NSRP1: variants seen among roughly 807,000 people sequenced by gnomAD.
The protein encoded by NSRP1 is coiled-coil domain containing 55.
In NSRP1, 24 loss-of-function variants were observed where a neutral mutation model predicts 54.7. The ratio of observed to expected loss-of-function variants is 0.44; its 90% CI spans 0.32 to 0.62. NSRP1 has a LOEUF of 0.62. Ranked by LOEUF, NSRP1 falls within the 20% of genes least tolerant of loss-of-function variation. NSRP1 has a pLI of 0.06. For synonymous variants in NSRP1, 210 were observed against 213.8 expected, an observed-to-expected ratio of 0.98 and a Z score of 0.15; for missense variants, 596 against 651.2, an observed-to-expected ratio of 0.92 and a Z score of 0.92.
intron 2 of NSRP1, among the ~76,000 whole-genome samples, chr17:30,140,490 T>C: frequency 6.6e-6 from 1 of 151,874 alleles, no homozygotes; most frequent in Admixed American, 6.6e-5. Context: ...CTATTTCAGT[T>C]TCTGATTTTT....
chr17:30,179,057 T>A (rs1432438012), intron 4 of NSRP1, 33 bp from the exon 5 acceptor site: 1 of 1,300,916 alleles, frequency 7.7e-7, no homozygotes, highest in East Asian at 2.6e-5. Context: ...ACTATTTTTT[T>A]ACTCTTTTCC....
intron 2 of NSRP1, among the ~76,000 whole-genome samples, chr17:30,130,220 C>G (rs1295956969): frequency 1.3e-5 from 2 of 152,158 alleles, no homozygotes; most frequent in Non-Finnish European, 2.9e-5. Context: ...CTCAGCCTCC[C>G]AAGTAGCTGA....
chr17:30,177,215 A>G, intron 3 of NSRP1, among the ~76,000 whole-genome samples: 1 of 151,922 alleles, frequency 6.6e-6, no homozygotes, highest in East Asian at 1.9e-4. Context: ...TACAAAACAT[A>G]TAAAAATTAG....
intron 3 of NSRP1, among the ~76,000 whole-genome samples, chr17:30,174,375 T>C (rs552767603): frequency 6.6e-6 from 1 of 152,350 alleles, no homozygotes; most frequent in East Asian, 1.9e-4. Flanking sequence ...TTGATTCAGC[T>C]CATCGAATGT....
At chr17:30,152,540 T>G (rs2071922228) in intron 2 of NSRP1, among the ~76,000 whole-genome samples, 1 of 151,966 alleles carries the variant, frequency 6.6e-6, no homozygotes, top group African/African-American at 2.4e-5. Flanking sequence ...GTGAGTTTTA[T>G]AGCTAAATGT....
intron 2 of NSRP1, among the ~76,000 whole-genome samples, chr17:30,158,125 C>T (rs1187855430): frequency 6.6e-6 from 1 of 152,038 alleles, no homozygotes; most frequent in Non-Finnish European, 1.5e-5. Flanking sequence ...CTTTTCTTAC[C>T]AGCATCTGTT....
At chr17:30,165,630 T>C (rs1356049887) in intron 2 of NSRP1, among the ~76,000 whole-genome samples, 1 of 152,222 alleles carries the variant, frequency 6.6e-6, no homozygotes, top group African/African-American at 2.4e-5. Flanking sequence ...CTCCCTAGTC[T>C]ACTCATGTTT....
At chr17:30,181,761 C>T (rs1905308238) in intron 6 of NSRP1, among the ~76,000 whole-genome samples, 2 of 151,956 alleles carry the variant, frequency 1.3e-5, no homozygotes, top group African/African-American at 2.4e-5. Flanking sequence ...TAGGTGCATG[C>T]ACTACGCCCG....
At chr17:30,176,748 A>G (rs1475608389) in intron 3 of NSRP1, among the ~76,000 whole-genome samples, 1 of 151,984 alleles carries the variant, frequency 6.6e-6, no homozygotes, top group Non-Finnish European at 1.5e-5. Flanking sequence ...AGGAGTGCCA[A>G]TTCAACATCT....
At chr17:30,169,668 G>C (rs1414777006) in intron 2 of NSRP1, among the ~76,000 whole-genome samples, 7 of 151,998 alleles carry the variant, frequency 4.6e-5, no homozygotes, top group African/African-American at 1.7e-4. Flanking sequence ...AATGTTAGCA[G>C]CTATTACTGT....
rs561674170 is a variant in NSRP1, at chr17:30,139,989, A to C, written c.114+21816A>C. On this transcript the variant is annotated intron_variant, in intron 2 of 6. Coordinates refer to ENST00000247026, the MANE Select transcript of NSRP1 (RefSeq NM_032141.4). ...CAGTGAACCGAGATCGCACCACTGC[A>C]CTCCAGCCTGGGTGACAGAGTGAGA... Among the ~76,000 whole-genome samples the C allele has an allele frequency of 2.0e-5, 3 of 152,222 alleles. No homozygotes were observed. The South Asian group carries it at 6.2e-4, about 32-fold the overall frequency.
At chr17:30,171,303 C>CTTTT (rs34039932) in intron 2 of NSRP1, among the ~76,000 whole-genome samples, 2 of 108,368 alleles carry the variant, frequency 1.8e-5, no homozygotes, top group African/African-American at 3.5e-5. Flanking sequence ...TTGTAATTGT[C>CTTTT]TTTTTTTTTT....
intron 2 of NSRP1, among the ~76,000 whole-genome samples, chr17:30,170,142 G>A (rs766362378): frequency 6.6e-6 from 1 of 151,938 alleles, no homozygotes; most frequent in Non-Finnish European, 1.5e-5. Context: ...AATTCACATA[G>A]CATAAAATTC....
intron 2 of NSRP1, among the ~76,000 whole-genome samples, chr17:30,123,720 T>G (rs1440407881): frequency 6.6e-6 from 1 of 152,114 alleles, no homozygotes; most frequent in Non-Finnish European, 1.5e-5. Context: ...TCATACATTT[T>G]GAAATTTTTT....
rs1269599218 is a variant in NSRP1 at position 30,136,958 on chromosome 17, CT to C, written c.114+18787del. Among the ~76,000 whole-genome samples the C allele has an allele frequency of 5.9e-5, 9 of 152,162 alleles. No homozygotes were observed. The South Asian group carries it at 1.9e-3, about 32-fold the overall frequency. ...AGCACCTTGCTAAACTCTTCTATTA[CT>C]TGTAATAATAGGTTAAAATTCTCTG... is the stretch of plus-strand genomic sequence containing the variant. On this transcript the variant is annotated intron_variant, in intron 2 of 6. Coordinates refer to ENST00000247026, the MANE Select transcript of NSRP1 (RefSeq NM_032141.4).
chr17:30,184,515 T>C, intron 6 of NSRP1, 100 bp from the exon 7 acceptor site: 2 of 1,412,176 alleles, frequency 1.4e-6, no homozygotes, highest in Non-Finnish European at 1.9e-6. Flanking sequence ...ATAGGTGTAT[T>C]GATTTGAGTA....
intron 2 of NSRP1, chr17:30,167,994 AG>A (rs1904798013): frequency 6.6e-6 from 1 of 152,206 alleles, no homozygotes; most frequent in Admixed American, 6.5e-5. Context: ...TTCCAATAAT[AG>A]CAACATAGGA....
chr17:30,165,447 C>CTTA (rs2143007060), intron 2 of NSRP1, among the ~76,000 whole-genome samples: 1 of 152,292 alleles, frequency 6.6e-6, no homozygotes, highest in East Asian at 1.9e-4. Flanking sequence ...GTACACAGTA[C>CTTA]TTAACTGTAC....
rs1367321079 is a variant in NSRP1, at chr17:30,181,333, G to A, written c.617+317G>A. Among the ~76,000 whole-genome samples the A allele has an allele frequency of 2.6e-5, 4 of 151,626 alleles. No individual in the cohort carries two copies. In the South Asian group the frequency reaches 6.2e-4, roughly 24 times the overall value. On this transcript the variant is annotated intron_variant, in intron 6 of 6. Transcript: ENST00000247026. The stretch of plus-strand genomic sequence containing the variant: ...TTCTGAATTTTTAAGTGATTTATGG[G>A]TCTTAACAAGGGAGAGCAAAATCTT...
Sources: gnomAD v4.1 joint callset for allele counts (sites outside exome capture counted in the v4.1 genomes callset) on GRCh38, gnomAD v4.1.1 for gene constraint, MANE v1.5 for transcripts, NCBI Gene and HGNC (gene_info 2026-07-23, HGNC 2026-07-21) for gene names.